Variants in PIKFYVE observed in about 807,000 individuals in gnomAD.
PIKFYVE encodes the protein 1-phosphatidylinositol 3-phosphate 5-kinase.
In PIKFYVE, 122 loss-of-function variants were observed where a neutral mutation model predicts 257.9. The observed-to-expected ratio is 0.47, with a 90% CI of 0.41 to 0.55. The LOEUF is 0.55. PIKFYVE is among the 20% of genes least tolerant of loss of function. The pLI is 0.00. For synonymous variants in PIKFYVE, 892 were observed against 868.9 expected (o/e 1.03, Z -0.47); for missense variants, 2,160 against 2,536.6 (o/e 0.85, Z 3.19).
At chr2:208,330,034 C>T (rs1697343399) in intron 22 of PIKFYVE, 121 bp downstream of exon 22, 2 of 1,325,860 alleles carry the variant, frequency 1.5e-6, no homozygotes, top group African/African-American at 1.5e-5. Flanking sequence ...TTTCATAGTG[C>T]ATATCAGAGT....
intron 2 of PIKFYVE, among the ~76,000 whole-genome samples, chr2:208,272,382 C>G (rs1479652233): frequency 1.3e-5 from 2 of 151,802 alleles, no homozygotes; most frequent in Non-Finnish European, 2.9e-5. Flanking sequence ...GGGTTAATAG[C>G]TAAAATATTT....
Position 208,276,850 on chromosome 2 carries a change from GA to G in PIKFYVE, c.441+22del, listed in dbSNP as rs1185622441. ...AGCCAGGTACTGTCTAGAGGCTTTG[GA>G]AGATTACTTATTAAGCGCTTATGGG... On this transcript the variant is annotated intron_variant, in intron 4 of 41. Coordinates refer to ENST00000264380, the MANE Select transcript of PIKFYVE (RefSeq NM_015040.4). The G allele has an allele frequency of 3.2e-6, 5 of 1,582,188 alleles. No individual in the cohort carries two copies. The African/African-American group carries it at 6.7e-5, about 21-fold the overall frequency.
intron 24 of PIKFYVE, 150 bp downstream of exon 24, chr2:208,333,643 A>G: frequency 1.2e-6 from 1 of 841,142 alleles, no homozygotes; most frequent in Non-Finnish European, 1.9e-6. Context: ...TGTATTAAGA[A>G]CTTTCAGTAT....
rs754759855 is a variant in PIKFYVE at position 208,346,132 on chromosome 2, A to G, written c.5194A>G (p.Thr1732Ala). 2 of 1,609,362 alleles carry G rather than the reference A, an allele frequency of 1.2e-6. No individual in the cohort carries two copies. The highest frequency in any genetic ancestry group is 1.1e-5 in the South Asian group (1 of 90,984). ...SGGQTNRTTE[T>A]EPQPTKKASG... ...AGGACAGACAAATCGTACAACAGAAACAGAACCACAACCAAGTAAGATTAC... is the reference window on the plus strand; with the variant it reads ...AGGACAGACAAATCGTACAACAGAAGCAGAACCACAACCAAGTAAGATTAC... The change falls in exon 34 of 42, where the codon ACA (threonine) becomes GCA (alanine). Residue 1732 changes from threonine to alanine, a missense_variant. Thr to Ala is a moderately conservative substitution (Grantham distance 58). This residue lies in a region of PIKFYVE where 699 missense variants were observed against 855.8 expected (regional missense o/e 0.82). Transcript: ENST00000264380.
At position 208,335,462 on chromosome 2, in the gene PIKFYVE, G is replaced by C. The variant is rs773469312; in HGVS notation, c.4256+43G>C. Reference sequence around the variant, plus strand: ...TATCATCTTTTTTTGTTTATTTACAGCTATTTTAAAGTATCAGATTTATTC... The same window carrying C: ...TATCATCTTTTTTTGTTTATTTACACCTATTTTAAAGTATCAGATTTATTC... On this transcript the variant is annotated intron_variant, in intron 25 of 41. Transcript: ENST00000264380. 55 of 1,374,676 alleles carry C rather than the reference G, an allele frequency of 4.0e-5. No homozygotes were observed. The Admixed American group carries it at 9.0e-4, about 23-fold the overall frequency. The allele number at this position is 1,374,676 out of a possible 1,614,324, so 85.2% of individuals were successfully genotyped here. A position where few individuals can be genotyped will look rare whatever the true frequency, so the allele number is the denominator to read the frequency against.
intron 41 of PIKFYVE, 116 bp downstream of exon 41, chr2:208,354,761 TC>T (rs1700056640): frequency 2.4e-6 from 2 of 822,724 alleles, no homozygotes; most frequent in Admixed American, 4.1e-5. Flanking sequence ...ATCATTGATT[TC>T]ATTGTCATTT....
chr2:208,280,369 A>T (rs1032205629), intron 5 of PIKFYVE, among the ~76,000 whole-genome samples: 1 of 152,182 alleles, frequency 6.6e-6, no homozygotes, highest in Non-Finnish European at 1.5e-5. Flanking sequence ...GGACTCACTA[A>T]ACTCACAGTG....
chr2:208,277,679 A>G lies in PIKFYVE; in HGVS notation c.584A>G (p.Glu195Gly). 6.2e-7 allele frequency: 1 copy of G among 1,613,878 alleles called. No individual in the cohort carries two copies. The highest frequency in any genetic ancestry group is 8.5e-7 in the Non-Finnish European group (1 of 1,179,750). Residue 195 changes from glutamate to glycine, a missense_variant, in exon 5 of 42, where the codon GAA becomes GGA. Physicochemically the swap from Glu to Gly is moderately conservative, Grantham distance 98. Transcript: ENST00000264380. ...QIFCSRCCNQEIPGKFMGYTG... is the reference protein window; with the variant it reads ...QIFCSRCCNQGIPGKFMGYTG... ...TTCTGCAGTCGTTGCTGTAATCAAGAAATCCCTGGAAAATTTATGGGCTAT... is the reference window on the plus strand; with the variant it reads ...TTCTGCAGTCGTTGCTGTAATCAAGGAATCCCTGGAAAATTTATGGGCTAT...
intron 28 of PIKFYVE, among the ~76,000 whole-genome samples, chr2:208,337,596 T>G (rs559926900): frequency 4.4e-4 from 67 of 152,212 alleles, no homozygotes; most frequent in African/African-American, 1.5e-3. Flanking sequence ...GATCTATCTA[T>G]CTAGATAGAT....
chr2:208,278,839 T>A (rs1400613645), intron 5 of PIKFYVE, among the ~76,000 whole-genome samples: 1 of 152,204 alleles, frequency 6.6e-6, no homozygotes, highest in East Asian at 1.9e-4. Context: ...CTGTATTTGC[T>A]ATTATAAAAA....
intron 15 of PIKFYVE, among the ~76,000 whole-genome samples, chr2:208,316,915 A>C (rs1695593334): frequency 6.6e-6 from 1 of 152,252 alleles, no homozygotes. Context: ...GGTGCTGGGA[A>C]AACTGCCTAA....
At position 208,355,501 on chromosome 2, in the gene PIKFYVE, G is replaced by GGAGCT. The variant is rs1700112600; in HGVS notation, c.*198_*202dup. The GGAGCT allele has an allele frequency of 5.4e-6, 3 of 558,206 alleles. No individual in the cohort carries two copies. The highest frequency in any genetic ancestry group is 9.6e-6 in the Non-Finnish European group (3 of 312,768). 34.6% of individuals were successfully genotyped at this position (558,206 alleles called of 1,614,324 possible). A position where few individuals can be genotyped will look rare whatever the true frequency, so the allele number is the denominator to read the frequency against. On this transcript the variant is annotated 3_prime_UTR_variant, in exon 42 of 42. Coordinates refer to ENST00000264380, the MANE Select transcript of PIKFYVE (RefSeq NM_015040.4). ...TTGCACTTTGGTTTTTGATACCTGT[G>GGAGCT]GAGCTGTCTGTAGGTTGGGAAGTGG...
At position 208,352,636 on chromosome 2, in the gene PIKFYVE, T is replaced by C. The variant is rs778539581; in HGVS notation, c.5716-18T>C. On this transcript the variant is annotated intron_variant, in intron 38 of 41. Coordinates refer to ENST00000264380, the MANE Select transcript of PIKFYVE (RefSeq NM_015040.4). ...AACCCTTTTTGATAAGAATTTATTT[T>C]GACCTTCTCTTGATTAGAGGCCCAC... 1.2e-6 allele frequency: 2 copies of C among 1,612,262 alleles called. No individual in the cohort carries two copies. Among genetic ancestry groups the C allele is most frequent in the Admixed American group, 1.7e-5 (1 of 59,932 alleles).
At chr2:208,292,945 G>A (rs71418673) in intron 7 of PIKFYVE, among the ~76,000 whole-genome samples, 1,757 of 151,158 alleles carry the variant, frequency 0.012, 12 homozygotes, top group Non-Finnish European at 0.019. Flanking sequence ...AATCCCTGCC[G>A]TATTTGTTAC....
At chr2:208,296,136 C>G (rs1040663242) in intron 7 of PIKFYVE, among the ~76,000 whole-genome samples, 1 of 152,026 alleles carries the variant, frequency 6.6e-6, no homozygotes, top group Non-Finnish European at 1.5e-5. Context: ...TCCCGCTAGC[C>G]TGGGATTACA....
intron 1 of PIKFYVE, among the ~76,000 whole-genome samples, chr2:208,268,893 A>G (rs547287806): frequency 1.3e-5 from 2 of 152,100 alleles, no homozygotes; most frequent in Non-Finnish European, 2.9e-5. Context: ...CAAAGCCTTA[A>G]GTAGTTAGAG....
At chr2:208,348,370 C>A (rs1699432772) in intron 35 of PIKFYVE, among the ~76,000 whole-genome samples, 1 of 152,146 alleles carries the variant, frequency 6.6e-6, no homozygotes, top group Admixed American at 6.5e-5. Flanking sequence ...TGTTTTCATT[C>A]CACTACTCCC....
At chr2:208,335,686 A>G in intron 25 of PIKFYVE, 107 bp from the exon 26 acceptor site, 1 of 974,942 alleles carries the variant, frequency 1.0e-6, no homozygotes. Flanking sequence ...TAATTAGGTA[A>G]AACATAATTT....
In PIKFYVE at chr2:208,273,884, A is replaced by C. The variant is rs1311963996; in HGVS notation, c.322+151A>C. The stretch of plus-strand genomic sequence containing the variant: ...AATAGTCAGGTACTGTTTAGAGTAA[A>C]TAAAACTCTTACCTCGGTAGTGAAA... On this transcript the variant is annotated intron_variant, in intron 3 of 41. Coordinates refer to ENST00000264380, the MANE Select transcript of PIKFYVE (RefSeq NM_015040.4). 5.9e-6 allele frequency: 8 copies of C among 1,366,712 alleles called. No homozygotes were observed. In the Admixed American group the frequency reaches 1.6e-4, roughly 27 times the overall value. 84.7% of individuals were successfully genotyped at this position (1,366,712 alleles called of 1,614,324 possible).
Sources: gnomAD v4.1 joint callset for allele counts (sites outside exome capture counted in the v4.1 genomes callset) on GRCh38, gnomAD v4.1.1 for gene constraint, gnomAD v4.1.1 regional missense constraint, MANE v1.5 for transcripts, NCBI Gene and HGNC (gene_info 2026-07-23, HGNC 2026-07-21) for gene names.